AQP11: variants seen among roughly 807,000 people sequenced by gnomAD.
The protein encoded by AQP11 is aquaporin-11.
AQP11 carries 20 observed loss-of-function variants against 21.1 expected under a neutral mutation model. The ratio of observed to expected loss-of-function variants is 0.95; its 90% confidence interval spans 0.67 to 1.38. The LOEUF is 1.38. Ranked by LOEUF, AQP11 falls within the 40% of genes most tolerant of loss-of-function variation. The pLI, the probability that AQP11 is intolerant of heterozygous loss-of-function variation, is 0.00. For synonymous variants in AQP11, 167 were observed against 150.1 expected, an observed-to-expected ratio of 1.11 and a Z score of -0.82; for missense variants, 339 against 340.4, an observed-to-expected ratio of 1.00 and a Z score of 0.03.
intron 1 of AQP11, among the ~76,000 whole-genome samples, chr11:77,596,560 A>ATG (rs1222617764): frequency 7.5e-6 from 1 of 133,118 alleles, no homozygotes; most frequent in Non-Finnish European, 1.6e-5. Flanking sequence ...ATATATATAT[A>ATG]TATGTATGTA....
chr11:77,599,949 T>G (rs567983926), intron 1 of AQP11, among the ~76,000 whole-genome samples: 2 of 151,968 alleles, frequency 1.3e-5, no homozygotes, highest in East Asian at 3.9e-4. Flanking sequence ...TGATATATTA[T>G]TACTGTTATT....
chr11:77,601,818 G>C (rs11237237), intron 1 of AQP11, among the ~76,000 whole-genome samples: 1 of 152,196 alleles, frequency 6.6e-6, no homozygotes, highest in African/African-American at 2.4e-5. Context: ...AGATGCCTCA[G>C]TTCTCTTCCG....
chr11:77,602,122 T>A (rs1226384281), intron 1 of AQP11, among the ~76,000 whole-genome samples: 1 of 152,150 alleles, frequency 6.6e-6, no homozygotes. Flanking sequence ...ATGAGAAGAT[T>A]AGGAAGTGAA....
At chr11:77,592,652 A>C (rs1027508875) in intron 1 of AQP11, among the ~76,000 whole-genome samples, 5 of 152,238 alleles carry the variant, frequency 3.3e-5, no homozygotes, top group African/African-American at 1.2e-4. Flanking sequence ...AGTGACAAAA[A>C]ATTTGAGAGA....
In AQP11 at chr11:77,609,427, T is replaced by C; in HGVS notation, c.*50T>C. 6.9e-7 allele frequency: 1 copy of C among 1,442,322 alleles called. No individual in the cohort carries two copies. The highest frequency in any genetic ancestry group is 1.8e-4 in the Middle Eastern group (1 of 5,626). The allele number at this position is 1,442,322 out of a possible 1,614,324, so 89.3% of individuals were successfully genotyped here. ...TACAGGACAGTCCAGCTGGATGTGATAAAGATTTTATCACCTCATATGGAA... is the reference window on the plus strand; with the variant it reads ...TACAGGACAGTCCAGCTGGATGTGACAAAGATTTTATCACCTCATATGGAA... On this transcript the variant is annotated 3_prime_UTR_variant, in exon 3 of 3. Coordinates refer to ENST00000313578, the MANE Select transcript of AQP11 (RefSeq NM_173039.3).
chr11:77,604,367 C>T (rs1009077391), intron 2 of AQP11, among the ~76,000 whole-genome samples: 1 of 152,190 alleles, frequency 6.6e-6, no homozygotes, highest in Non-Finnish European at 1.5e-5. Context: ...GATATATAAA[C>T]TCTTTATAAA....
intron 1 of AQP11, among the ~76,000 whole-genome samples, chr11:77,598,613 C>G (rs12801662): frequency 0.29 from 44,260 of 152,114 alleles, 6,593 homozygotes; most frequent in East Asian, 0.39. Flanking sequence ...CTCCATGCCT[C>G]CATGCCTGTT....
chr11:77,603,003 T>C (rs1372498970), intron 1 of AQP11, among the ~76,000 whole-genome samples: 3 of 152,136 alleles, frequency 2.0e-5, no homozygotes, highest in African/African-American at 4.8e-5. Context: ...GGAACACAAA[T>C]CCTAAAAAGT....
At chr11:77,605,547 C>T (rs1958841167) in intron 2 of AQP11, among the ~76,000 whole-genome samples, 1 of 152,010 alleles carries the variant, frequency 6.6e-6, no homozygotes, top group Middle Eastern at 3.2e-3. Flanking sequence ...GGAACGTGAA[C>T]CTTACTGTGA....
chr11:77,598,741 G>A (rs1958797766), intron 1 of AQP11, among the ~76,000 whole-genome samples: 2 of 152,122 alleles, frequency 1.3e-5, no homozygotes, highest in Admixed American at 6.6e-5. Context: ...TTGAGATGGA[G>A]TCTTGCTCTG....
Position 77,590,490 on chromosome 11 carries a change from G to A in AQP11, c.498G>A (p.Ala166=). 2 of 1,614,148 alleles carry A rather than the reference G, an allele frequency of 1.2e-6. No homozygotes were observed. The highest frequency in any genetic ancestry group is 1.1e-5 in the South Asian group (1 of 91,086). The change falls in exon 1 of 3, where the codon GCG becomes GCA. Residue 166 remains alanine (A), a synonymous_variant. Coordinates refer to ENST00000313578, the MANE Select transcript of AQP11 (RefSeq NM_173039.3). ...KNPIRVDLLK[A]VITEAVCSFL... is the part of the protein sequence containing the mutation. ...CCATCCGAGTCGACTTGCTCAAAGC[G>A]GTCATCACAGAGGCCGTCTGCTCCT...
intron 1 of AQP11, among the ~76,000 whole-genome samples, chr11:77,598,888 T>A (rs1205430187): frequency 6.6e-6 from 1 of 152,044 alleles, no homozygotes; most frequent in Non-Finnish European, 1.5e-5. Flanking sequence ...CTAATTATTT[T>A]TTTTTTGTTT....
intron 1 of AQP11, chr11:77,591,340 G>C (rs1590780683): frequency 1.0e-6 from 1 of 981,624 alleles, no homozygotes; most frequent in Non-Finnish European, 1.2e-6. Flanking sequence ...CTAGTCCTAA[G>C]TGGGAGGAGG....
chr11:77,592,110 T>C (rs1452330442), intron 1 of AQP11, among the ~76,000 whole-genome samples: 1 of 151,840 alleles, frequency 6.6e-6, no homozygotes, highest in Non-Finnish European at 1.5e-5. Flanking sequence ...CTCCAAAAAA[T>C]ACAAAAATTA....
chr11:77,604,652 A>G (rs928306056), intron 2 of AQP11, among the ~76,000 whole-genome samples: 11 of 152,220 alleles, frequency 7.2e-5, no homozygotes, highest in African/African-American at 2.2e-4. Flanking sequence ...GGGAAGTGCC[A>G]TAACAGGTTT....
At chr11:77,594,380 GCA>G (rs1590782257) in intron 1 of AQP11, among the ~76,000 whole-genome samples, 1 of 152,252 alleles carries the variant, frequency 6.6e-6, no homozygotes, top group South Asian at 2.1e-4. Context: ...AGGATTTGGA[GCA>G]CAGTTTTTCA....
chr11:77,599,172 T>A (rs939545766), intron 1 of AQP11, among the ~76,000 whole-genome samples: 6 of 151,658 alleles, frequency 4.0e-5, no homozygotes, highest in Non-Finnish European at 5.9e-5. Context: ...TGAGCCACCA[T>A]GCCTGGCCAC....
At chr11:77,603,947 T>TC (rs1958830137) in intron 2 of AQP11, among the ~76,000 whole-genome samples, 2 of 152,076 alleles carry the variant, frequency 1.3e-5, no homozygotes, top group South Asian at 4.1e-4. Context: ...AATCTTTTTT[T>TC]TTTTTGCTAA....
chr11:77,597,756 T>C (rs1405231053), intron 1 of AQP11, among the ~76,000 whole-genome samples: 1 of 152,000 alleles, frequency 6.6e-6, no homozygotes, highest in Non-Finnish European at 1.5e-5. Context: ...TATTTTCTTT[T>C]TTTCTTTTTT....
Sources: allele counts gnomAD v4.1 joint callset (sites outside exome capture counted in the v4.1 genomes callset), GRCh38; gene constraint gnomAD v4.1.1; transcripts MANE v1.5; gene names NCBI Gene and HGNC (gene_info 2026-07-23, HGNC 2026-07-21).